PLA2G7: variants seen among roughly 807,000 people sequenced by gnomAD.
The protein encoded by PLA2G7 is platelet-activating factor acetylhydrolase.
Under a neutral mutation model 49.6 loss-of-function variants are expected in PLA2G7, and 63 were observed. That is an observed-to-expected ratio of 1.27 (90% CI 1.04 to 1.57). The LOEUF (loss-of-function observed/expected upper bound fraction) is 1.57, where lower values mean the gene tolerates loss of function less well. Among genes scored for constraint, PLA2G7 ranks in the 40% most tolerant of loss-of-function variants. The pLI, the probability that PLA2G7 is intolerant of heterozygous loss-of-function variation, is 0.00. For synonymous variants in PLA2G7, 193 were observed against 169.9 expected, an observed-to-expected ratio of 1.14 and a Z score of -1.06; for missense variants, 596 against 521.2, an observed-to-expected ratio of 1.14 and a Z score of -1.40.
chr6:46,716,533 T>G lies in PLA2G7; in HGVS notation c.232-5A>C. 1 of 1,613,426 alleles carries G rather than the reference T, an allele frequency of 6.2e-7. No homozygotes were observed. The highest frequency in any genetic ancestry group is 1.3e-5 in the African/African-American group (1 of 75,036). On this transcript the variant is annotated splice_region_variant and splice_polypyrimidine_tract_variant and intron_variant, in intron 3 of 11. Transcript: ENST00000274793. Reference sequence around the variant, plus strand: ...ATATAAACGCAAGAAGGTGCCCTGTTAAGAAAGAAATTAATGCACTTTTAG... The same window carrying G: ...ATATAAACGCAAGAAGGTGCCCTGTGAAGAAAGAAATTAATGCACTTTTAG...
chr6:46,705,385 C>T (rs140520883), intron 10 of PLA2G7, 84 bp from the exon 11 acceptor site: 1 of 1,097,390 alleles, frequency 9.1e-7, no homozygotes, highest in Non-Finnish European at 1.4e-6. Flanking sequence ...AGGTACTGGT[C>T]TTGTTGGTCT....
rs201803006 is a variant in PLA2G7 at position 46,709,025 on chromosome 6, C to T, written c.869+302G>A. Among the ~76,000 whole-genome samples the T allele has an allele frequency of 5.3e-5, 8 of 152,176 alleles. No homozygotes were observed. In the East Asian group the frequency reaches 1.2e-3, roughly 22 times the overall value. Reference sequence around the variant, plus strand: ...TGTTAAGATGACAATATTATTATCACAATCATTATGTCACAAAAAATTATA... The same window carrying T: ...TGTTAAGATGACAATATTATTATCATAATCATTATGTCACAAAAAATTATA... On this transcript the variant is annotated intron_variant, in intron 9 of 11. Coordinates refer to ENST00000274793, the MANE Select transcript of PLA2G7 (RefSeq NM_005084.4).
At chr6:46,708,845 T>C (rs1764914884) in intron 9 of PLA2G7, among the ~76,000 whole-genome samples, 1 of 152,080 alleles carries the variant, frequency 6.6e-6, no homozygotes, top group African/African-American at 2.4e-5. Flanking sequence ...AATGAAGGTT[T>C]AAGAAAGAAA....
chr6:46,704,644 C>A lies in PLA2G7; in HGVS notation c.1242G>T (p.Glu414Asp), dbSNP rs145290218. The A allele has an allele frequency of 6.0e-4, 946 of 1,577,884 alleles. No homozygotes were observed. Among genetic ancestry groups the A allele is most frequent in the Admixed American group, 1.5e-3 (91 of 59,862 alleles). The change falls in exon 12 of 12, where the codon GAG becomes GAT. Residue 414 changes from glutamate to aspartate, a missense_variant. Transcript: ENST00000274793. ...TAATGTTGGTCCCTGGAATAAGATT[C>A]TCATCATCTCCTTCAATCAAGCAGT... is the stretch of plus-strand genomic sequence containing the variant. The part of the protein sequence containing the change: ...QWDCLIEGDD[E>D]NLIPGTNINT...
chr6:46,719,172 A>T (rs1368576852), intron 2 of PLA2G7, among the ~76,000 whole-genome samples: 2 of 152,150 alleles, frequency 1.3e-5, no homozygotes, highest in East Asian at 3.9e-4. Flanking sequence ...GTGGGAGTTG[A>T]TTACTCTCTG....
chr6:46,717,274 G>C (rs937845073), intron 2 of PLA2G7, among the ~76,000 whole-genome samples, 178 bp from the exon 3 acceptor site: 2 of 152,084 alleles, frequency 1.3e-5, no homozygotes, highest in African/African-American at 4.8e-5. Context: ...CACTGTGTAG[G>C]GGTTTTGGAG....
chr6:46,723,163 C>T (rs547999919), intron 1 of PLA2G7, among the ~76,000 whole-genome samples: 2 of 152,228 alleles, frequency 1.3e-5, no homozygotes, highest in East Asian at 1.9e-4. Context: ...TACTTTCAGA[C>T]AGTTAGATTA....
In PLA2G7 at chr6:46,711,476, C is replaced by G; in HGVS notation, c.663+20G>C. On this transcript the variant is annotated intron_variant, in intron 7 of 11. Transcript: ENST00000274793. ...CATGCTTTTAGGTCACCAACCACCTCTCCTTTCACTGCAATGTACCTGCTC... is the reference window on the plus strand; with the variant it reads ...CATGCTTTTAGGTCACCAACCACCTGTCCTTTCACTGCAATGTACCTGCTC... 1 of 1,613,192 alleles carries G rather than the reference C, an allele frequency of 6.2e-7. No individual in the cohort carries two copies. Among genetic ancestry groups the G allele is most frequent in the African/African-American group, 1.3e-5 (1 of 75,000 alleles).
intron 7 of PLA2G7, among the ~76,000 whole-genome samples, 192 bp downstream of exon 7, chr6:46,711,304 T>A (rs1765011536): frequency 1.3e-5 from 2 of 152,218 alleles, no homozygotes. Context: ...TATTTGCCTT[T>A]GTTTTTACTA....
In PLA2G7 at chr6:46,710,595, T is replaced by C. The variant is rs1273261951; in HGVS notation, c.727A>G (p.Lys243Glu). The change falls in exon 8 of 12, where the codon AAG (lysine) becomes GAG (glutamate). Residue 243 changes from lysine to glutamate, a missense_variant. Lys to Glu is a moderately conservative substitution (Grantham distance 56, BLOSUM62 1). Coordinates refer to ENST00000274793, the MANE Select transcript of PLA2G7 (RefSeq NM_005084.4). ...AAATCTAATGCATTCTTCACTGGCT[T>C]TCCATGATCAATGTCAAGAATCAGA... ...LSLILDIDHGKPVKNALDLKF... is the reference protein window; with the variant it reads ...LSLILDIDHGEPVKNALDLKF... 6.2e-7 allele frequency: 1 copy of C among 1,613,634 alleles called. No homozygotes were observed. Among genetic ancestry groups the C allele is most frequent in the Admixed American group, 1.7e-5 (1 of 60,020 alleles).
chr6:46,714,668 T>C (rs1765141064), intron 4 of PLA2G7, 115 bp from the exon 5 acceptor site: 3 of 733,064 alleles, frequency 4.1e-6, no homozygotes, highest in Non-Finnish European at 7.5e-6. Flanking sequence ...TACTTTTTTA[T>C]GGATGAATAG....
At chr6:46,716,123 G>A (rs965252068) in intron 4 of PLA2G7, among the ~76,000 whole-genome samples, 1 of 152,210 alleles carries the variant, frequency 6.6e-6, no homozygotes, top group African/African-American at 2.4e-5. Flanking sequence ...TATGTCAGAT[G>A]AAAACTAAAG....
intron 1 of PLA2G7, among the ~76,000 whole-genome samples, chr6:46,729,145 C>T (rs1033767423): frequency 3.9e-5 from 6 of 152,042 alleles, no homozygotes; most frequent in African/African-American, 7.3e-5. Flanking sequence ...TGGGGCACAC[C>T]GGAAATGGGA....
At chr6:46,723,406 G>A (rs535308633) in intron 1 of PLA2G7, among the ~76,000 whole-genome samples, 1 of 152,102 alleles carries the variant, frequency 6.6e-6, no homozygotes, top group African/African-American at 2.4e-5. Context: ...TTATATTCTT[G>A]CTAATTTCTA....
intron 4 of PLA2G7, 35 bp from the exon 5 acceptor site, chr6:46,714,588 C>T: frequency 8.2e-7 from 1 of 1,217,494 alleles, no homozygotes; most frequent in Non-Finnish European, 1.2e-6. Context: ...TTAAGGTTTT[C>T]TCTGAGTGTT....
intron 2 of PLA2G7, among the ~76,000 whole-genome samples, chr6:46,719,113 C>A (rs1369086102): frequency 6.6e-6 from 1 of 152,238 alleles, no homozygotes; most frequent in African/African-American, 2.4e-5. Context: ...TTCAGACTCT[C>A]ACTTTTCTTG....
chr6:46,708,245 G>A, intron 9 of PLA2G7, 84 bp from the exon 10 acceptor site: 2 of 1,013,012 alleles, frequency 2.0e-6, no homozygotes, highest in Non-Finnish European at 3.2e-6. Context: ...GCTAGGATTG[G>A]TGGACACGCA....
At chr6:46,723,492 C>T (rs1274004701) in intron 1 of PLA2G7, among the ~76,000 whole-genome samples, 4 of 152,074 alleles carry the variant, frequency 2.6e-5, no homozygotes, top group Non-Finnish European at 5.9e-5. Flanking sequence ...AATAGAGGGC[C>T]TGGAAGAAGT....
At chr6:46,718,577 T>C (rs796096923) in intron 2 of PLA2G7, among the ~76,000 whole-genome samples, 27 of 152,334 alleles carry the variant, frequency 1.8e-4, no homozygotes, top group Admixed American at 5.2e-4. Flanking sequence ...ACTGGGCTGG[T>C]TGATGCCACT....
Sources: allele counts gnomAD v4.1 joint callset (sites outside exome capture counted in the v4.1 genomes callset), GRCh38; gene constraint gnomAD v4.1.1; transcripts MANE v1.5; gene names NCBI Gene and HGNC (gene_info 2026-07-23, HGNC 2026-07-21).